Variants in CCDC7 observed in about 807,000 individuals in gnomAD.
The protein encoded by CCDC7 is coiled-coil domain containing 7.
A neutral mutation model predicts 196.9 loss-of-function variants in CCDC7; 183 were observed. The ratio of observed to expected loss-of-function variants is 0.93; its 90% CI spans 0.82 to 1.05. The LOEUF (loss-of-function observed/expected upper bound fraction) is 1.05, where lower values mean the gene tolerates loss of function less well. CCDC7 is among the 50% of genes least tolerant of loss of function. CCDC7 has a pLI of 0.00. For synonymous variants in CCDC7, 525 were observed against 484.6 expected (o/e 1.08, Z -1.10); for missense variants, 1,540 against 1,482.2 (o/e 1.04, Z -0.64).
rs60002951 is a variant in CCDC7 at position 32,459,646 on chromosome 10, A to ATTTTTTTT, written c.457-3017_457-3010dup. Among the ~76,000 whole-genome samples, 88 of 68,734 alleles carry ATTTTTTTT rather than the reference A, an allele frequency of 1.3e-3. 10 individuals carry two copies. The highest frequency in any genetic ancestry group is 4.2e-3 in the East Asian group (10 of 2,360). The allele number at this position is 68,734 out of a possible 152,430, so 45.1% of individuals were successfully genotyped here. ...AAGCCTTTGGACTTCCCTGCTGCAC[A>ATTTTTTTT]TTTTTTTTTTTTTTTTTTTTTTTTT... is the stretch of plus-strand genomic sequence containing the variant. On this transcript the variant is annotated intron_variant, in intron 3 of 41. Transcript: ENST00000639629.
intron 8 of CCDC7, among the ~76,000 whole-genome samples, chr10:32,476,230 C>T (rs2038945516): frequency 1.3e-5 from 2 of 152,196 alleles, no homozygotes; most frequent in Admixed American, 1.3e-4. Context: ...CTCCATCCAC[C>T]TGAATCCCTG....
intron 20 of CCDC7, among the ~76,000 whole-genome samples, chr10:32,642,359 C>G (rs4391739): frequency 2.0e-5 from 3 of 152,174 alleles, no homozygotes; most frequent in African/African-American, 7.2e-5. Flanking sequence ...GCGGGCGCCC[C>G]TCCCCCAGCC....
intron 21 of CCDC7, among the ~76,000 whole-genome samples, chr10:32,682,621 A>G (rs2075996043): frequency 2.6e-5 from 4 of 152,334 alleles, no homozygotes; most frequent in South Asian, 4.1e-4. Flanking sequence ...AGCAATGTAT[A>G]AAGCCTTCCT....
At chr10:32,747,055 C>T (rs2074888301) in intron 28 of CCDC7, among the ~76,000 whole-genome samples, 1 of 152,202 alleles carries the variant, frequency 6.6e-6, no homozygotes, top group Admixed American at 6.5e-5. Flanking sequence ...TGGGACCCCC[C>T]CAACTGAGTG....
intron 20 of CCDC7, among the ~76,000 whole-genome samples, chr10:32,637,242 T>C (rs1042532005): frequency 1.8e-4 from 27 of 152,188 alleles, no homozygotes; most frequent in South Asian, 6.2e-4. Flanking sequence ...AATTAGATCC[T>C]ATTTGTCAAT....
intron 21 of CCDC7, among the ~76,000 whole-genome samples, chr10:32,677,442 T>C (rs1468973510): frequency 3.9e-5 from 6 of 152,110 alleles, no homozygotes; most frequent in African/African-American, 1.2e-4. Context: ...TAAATTTTTG[T>C]TTGTCTGGAA....
At chr10:32,876,377 C>G (rs2094598237) in exon 42 of CCDC7, 1 of 1,610,496 alleles carries the variant, frequency 6.2e-7, no homozygotes, top group African/African-American at 1.3e-5. Flanking sequence ...AAATCTGTAC[C>G]ACACCCATAC....
At chr10:32,601,050 A>G (rs553077919) in intron 18 of CCDC7, among the ~76,000 whole-genome samples, 27 of 152,114 alleles carry the variant, frequency 1.8e-4, no homozygotes, top group African/African-American at 6.5e-4. Flanking sequence ...TCTGGCCTCC[A>G]TAGTTTCTGA....
At chr10:32,857,786 T>G (rs1466545444) in intron 41 of CCDC7, among the ~76,000 whole-genome samples, 1 of 148,858 alleles carries the variant, frequency 6.7e-6, no homozygotes, top group Non-Finnish European at 1.5e-5. Context: ...AGACCAGAAT[T>G]AAATCGAATA....
chr10:32,877,279 G>T (rs1169229069), downstream of CCDC7: 1 of 151,942 alleles, frequency 6.6e-6, no homozygotes, highest in Non-Finnish European at 1.5e-5. Context: ...AAAATAAATG[G>T]AGAAATTATT....
intron 8 of CCDC7, among the ~76,000 whole-genome samples, chr10:32,484,028 T>A (rs1370590771): frequency 6.6e-6 from 1 of 152,248 alleles, no homozygotes; most frequent in Non-Finnish European, 1.5e-5. Flanking sequence ...TCGAATTCTA[T>A]GAAGAAAGTC....
rs192644965 is a variant in CCDC7 at position 32,672,048 on chromosome 10, G to C, written c.2122+7887G>C. 1.7e-4 allele frequency among the ~76,000 whole-genome samples: 26 copies of C among 152,256 alleles called. No individual in the cohort carries two copies. In the East Asian group the frequency reaches 4.4e-3, roughly 26 times the overall value. On this transcript the variant is annotated intron_variant, in intron 21 of 41. Transcript: ENST00000639629. Reference sequence around the variant, plus strand: ...AGCTTGCTTGCATTGGTAGTGGCATGAGTATTTGATTAGTGGTGCCAATGG... The same window carrying C: ...AGCTTGCTTGCATTGGTAGTGGCATCAGTATTTGATTAGTGGTGCCAATGG...
chr10:32,529,401 T>G (rs1293403507), intron 11 of CCDC7, among the ~76,000 whole-genome samples: 1 of 152,230 alleles, frequency 6.6e-6, no homozygotes, highest in African/African-American at 2.4e-5. Flanking sequence ...AGTGTAAAAG[T>G]GTACCCTTTT....
At chr10:32,693,287 A>AT (rs2077299739) in intron 23 of CCDC7, among the ~76,000 whole-genome samples, 1 of 152,146 alleles carries the variant, frequency 6.6e-6, no homozygotes. Flanking sequence ...AGAGGAGTAT[A>AT]TTTTCTTCCC....
chr10:32,816,362 C>T (rs1399418207), intron 31 of CCDC7, among the ~76,000 whole-genome samples: 1 of 152,222 alleles, frequency 6.6e-6, no homozygotes, highest in East Asian at 1.9e-4. Flanking sequence ...GTGGAGCCCA[C>T]CGCAGCTCAA....
At chr10:32,668,326 T>A (rs547184064) in intron 21 of CCDC7, among the ~76,000 whole-genome samples, 5,565 of 152,266 alleles carry the variant, frequency 0.037, 113 homozygotes, top group Non-Finnish European at 0.05. Flanking sequence ...CAGGAACAAT[T>A]TGACTTCCTC....
intron 16 of CCDC7, among the ~76,000 whole-genome samples, chr10:32,581,292 A>G (rs74438901): frequency 0.037 from 5,560 of 152,252 alleles, 110 homozygotes; most frequent in Non-Finnish European, 0.05. Context: ...TTTATAAACT[A>G]TATTTTGGTT....
intron 8 of CCDC7, 67 bp downstream of exon 9, chr10:32,474,090 A>G: frequency 6.5e-7 from 1 of 1,533,756 alleles, no homozygotes; most frequent in East Asian, 2.4e-5. Flanking sequence ...CTATAAAGTA[A>G]TAATTATTAG....
intron 28 of CCDC7, among the ~76,000 whole-genome samples, chr10:32,777,419 A>G (rs1445392465): frequency 6.6e-6 from 1 of 152,156 alleles, no homozygotes; most frequent in African/African-American, 2.4e-5. Flanking sequence ...GCCGAGTCAA[A>G]TGGTATTTCA....
Sources: gnomAD v4.1 joint callset for allele counts (sites outside exome capture counted in the v4.1 genomes callset) on GRCh38, gnomAD v4.1.1 for gene constraint, MANE v1.5 for transcripts, NCBI Gene and HGNC (gene_info 2026-07-23, HGNC 2026-07-21) for gene names.